Variants in MAP2 observed in about 807,000 individuals in gnomAD.
The protein encoded by MAP2 is microtubule-associated protein 2.
Under a neutral mutation model 137.6 loss-of-function variants are expected in MAP2, and 14 were observed. The ratio of observed to expected loss-of-function variants is 0.10; its 90% CI spans 0.07 to 0.16. The LOEUF (loss-of-function observed/expected upper bound fraction) is 0.16. MAP2 is among the 10% of genes least tolerant of loss of function. MAP2 has a pLI of 1.00. For missense variants in MAP2, 2,088 were observed against 2,191.5 expected (o/e 0.95, Z 0.94); for synonymous variants, 786 against 782.3 (o/e 1.00, Z -0.08).
At chr2:209,548,639 G>C (rs902919778) in intron 2 of MAP2, among the ~76,000 whole-genome samples, 5 of 152,124 alleles carry the variant, frequency 3.3e-5, no homozygotes, top group African/African-American at 1.2e-4. Flanking sequence ...ATCTCATCTT[G>C]AATTGTAATA....
At chr2:209,501,267 T>G (rs960540668) in intron 1 of MAP2, among the ~76,000 whole-genome samples, 1 of 152,158 alleles carries the variant, frequency 6.6e-6, no homozygotes, top group Non-Finnish European at 1.5e-5. Context: ...ATATAAAAAT[T>G]GTGAATTTTC....
At chr2:209,477,606 A>G (rs1393428685) in intron 1 of MAP2, among the ~76,000 whole-genome samples, 1 of 152,030 alleles carries the variant, frequency 6.6e-6, no homozygotes, top group East Asian at 1.9e-4. Flanking sequence ...ATCTCTACCT[A>G]TGCTTTCTTC....
chr2:209,605,714 A>T (rs1280277037), intron 3 of MAP2, among the ~76,000 whole-genome samples: 1 of 152,174 alleles, frequency 6.6e-6, no homozygotes, highest in African/African-American at 2.4e-5. Context: ...TGATACAGAA[A>T]TAATTATTTG....
chr2:209,583,193 C>CTGT (rs1473156704), intron 3 of MAP2, among the ~76,000 whole-genome samples: 3 of 123,844 alleles, frequency 2.4e-5, no homozygotes, highest in Non-Finnish European at 5.0e-5. Flanking sequence ...ATCTGTCTAT[C>CTGT]CTATCTATCT....
At chr2:209,468,317 C>CTTT (rs11450792) in intron 1 of MAP2, among the ~76,000 whole-genome samples, 1,676 of 88,418 alleles carry the variant, frequency 0.019, 38 homozygotes, top group Non-Finnish European at 0.023. Context: ...TTTAGTGTTT[C>CTTT]TTTTTTTTTT....
At chr2:209,718,397 A>T (rs1042080767) in intron 13 of MAP2, among the ~76,000 whole-genome samples, 2 of 152,182 alleles carry the variant, frequency 1.3e-5, no homozygotes, top group African/African-American at 4.8e-5. Flanking sequence ...GAAAAAATTT[A>T]ATGTCAAAAA....
At position 209,695,960 on chromosome 2, in the gene MAP2, G is replaced by A. The variant is rs1234987773; in HGVS notation, c.3790G>A (p.Gly1264Ser). ...TCAGATAACTGACCTGGGTGTCTCAGGTGCCAGGGAGGAATTTGTGGAGAC... is the reference window on the plus strand; with the variant it reads ...TCAGATAACTGACCTGGGTGTCTCAAGTGCCAGGGAGGAATTTGTGGAGAC... ...TLQITDLGVS[G>S]AREEFVETCP... The change falls in exon 8 of 16, where the codon GGT becomes AGT. Residue 1264 changes from glycine to serine, a missense_variant. Physicochemically the swap from Gly to Ser is moderately conservative, Grantham distance 56. Around this residue, in one of 6 missense-constraint regions of MAP2, gnomAD observed 591 missense variants for 642.6 expected, o/e 0.92. Coordinates refer to ENST00000682079, the MANE Select transcript of MAP2 (RefSeq NM_001375505.1). 6.2e-7 allele frequency: 1 copy of A among 1,614,078 alleles called. No homozygotes were observed. Among genetic ancestry groups the A allele is most frequent in the Admixed American group, 1.7e-5 (1 of 60,032 alleles).
Position 209,681,475 on chromosome 2 carries a change from A to G in MAP2, c.454+648A>G, listed in dbSNP as rs893025247. On this transcript the variant is annotated intron_variant, in intron 7 of 15. Coordinates refer to ENST00000682079, the MANE Select transcript of MAP2 (RefSeq NM_001375505.1). ...CATGGAATGTCATGTTAGCTTTTCA[A>G]TTCTCATTGATACAACAGAAAGATG... Among the ~76,000 whole-genome samples the G allele has an allele frequency of 5.3e-5, 8 of 152,264 alleles. No individual in the cohort carries two copies. In the South Asian group the frequency reaches 6.2e-4, roughly 12 times the overall value.
At chr2:209,481,826 C>T (rs1211473477) in intron 1 of MAP2, among the ~76,000 whole-genome samples, 1 of 152,198 alleles carries the variant, frequency 6.6e-6, no homozygotes, top group African/African-American at 2.4e-5. Flanking sequence ...AACCTCTCTT[C>T]TTCTGTGTTA....
At chr2:209,561,877 G>A (rs1282420431) in intron 2 of MAP2, among the ~76,000 whole-genome samples, 1 of 152,130 alleles carries the variant, frequency 6.6e-6, no homozygotes, top group Non-Finnish European at 1.5e-5. Context: ...CATTGATGAA[G>A]CACTCAGCAT....
chr2:209,696,095 G>T lies in MAP2; in HGVS notation c.3925G>T (p.Val1309Leu), dbSNP rs764541712. Reference sequence around the variant, plus strand: ...TGAAGGGGAGTCAGGGTCCCACAGCGTGCGTTTTGCAGCCCTAGAGCAGCC... The same window carrying T: ...TGAAGGGGAGTCAGGGTCCCACAGCTTGCGTTTTGCAGCCCTAGAGCAGCC... ...TDEGESGSHS[V>L]RFAALEQPEV... The change falls in exon 8 of 16, where the codon GTG becomes TTG. Residue 1309 changes from valine to leucine, a missense_variant. By Grantham distance (32) the Val-to-Leu change is conservative. This residue lies in a region of MAP2 where 591 missense variants were observed against 642.6 expected (regional missense o/e 0.92). Transcript: ENST00000682079. 4 of 1,613,800 alleles carry T rather than the reference G, an allele frequency of 2.5e-6. No homozygotes were observed. Among genetic ancestry groups the T allele is most frequent in the South Asian group, 1.1e-5 (1 of 91,054 alleles).
Position 209,693,289 on chromosome 2 carries a change from G to A in MAP2, c.1119G>A (p.Glu373=). 6.2e-7 allele frequency: 1 copy of A among 1,614,026 alleles called. No individual in the cohort carries two copies. The highest frequency in any genetic ancestry group is 8.5e-7 in the Non-Finnish European group (1 of 1,179,994). Residue 373 remains glutamate, a synonymous_variant, in exon 8 of 16, where the codon GAG becomes GAA. Coordinates refer to ENST00000682079, the MANE Select transcript of MAP2 (RefSeq NM_001375505.1). ...KDSFKIEEPH[E]AKPDKMAEAP... ...GTTTTAAAATTGAAGAGCCCCATGA[G>A]GCTAAACCTGACAAAATGGCAGAAG...
chr2:209,600,685 C>G (rs917798155), intron 3 of MAP2, among the ~76,000 whole-genome samples: 1 of 152,098 alleles, frequency 6.6e-6, no homozygotes, highest in Non-Finnish European at 1.5e-5. Context: ...TCAGTCAGTC[C>G]CTATTAAGGG....
At chr2:209,724,114 G>T (rs2284360) in intron 13 of MAP2, among the ~76,000 whole-genome samples, 15,648 of 152,198 alleles carry the variant, frequency 0.1, 955 homozygotes, top group East Asian at 0.23. Flanking sequence ...AATGCCCAAA[G>T]TATGTAATGT....
intron 13 of MAP2, chr2:209,723,724 G>A (rs763787825): frequency 6.9e-7 from 1 of 1,446,466 alleles, no homozygotes; most frequent in Middle Eastern, 1.7e-4. Context: ...TGTCCTGATT[G>A]CGTGGAGCCA....
chr2:209,504,859 A>C (rs1046090022), intron 1 of MAP2, among the ~76,000 whole-genome samples: 2 of 152,036 alleles, frequency 1.3e-5, no homozygotes, highest in Non-Finnish European at 2.9e-5. Context: ...ACACATAGGC[A>C]GTGTATCCAC....
chr2:209,620,372 T>G (rs1218197162), intron 3 of MAP2, among the ~76,000 whole-genome samples: 1 of 152,230 alleles, frequency 6.6e-6, no homozygotes, highest in Non-Finnish European at 1.5e-5. Context: ...TCTGCTCCAC[T>G]GAAGACCATA....
At chr2:209,656,188 A>T (rs1174019993) in intron 5 of MAP2, among the ~76,000 whole-genome samples, 1 of 151,990 alleles carries the variant, frequency 6.6e-6, no homozygotes, top group East Asian at 1.9e-4. Flanking sequence ...CTGACACCAG[A>T]GGGTGGGAGA....
Position 209,621,206 on chromosome 2 carries a change from C to A in MAP2, c.-106-3847C>A, listed in dbSNP as rs1374940489. On this transcript the variant is annotated intron_variant, in intron 3 of 15. Coordinates refer to ENST00000682079, the MANE Select transcript of MAP2 (RefSeq NM_001375505.1). The stretch of plus-strand genomic sequence containing the variant: ...CAACAAGGGTGAAACCAAAGAAAGA[C>A]AGAAAGACAGAAAGAAAGAATACAG... 2.0e-5 allele frequency among the ~76,000 whole-genome samples: 3 copies of A among 149,060 alleles called. No individual in the cohort carries two copies. In the South Asian group the frequency reaches 6.4e-4, roughly 32 times the overall value.
Sources: gnomAD v4.1 joint callset for allele counts (sites outside exome capture counted in the v4.1 genomes callset) on GRCh38, gnomAD v4.1.1 for gene constraint, gnomAD v4.1.1 regional missense constraint, MANE v1.5 for transcripts, NCBI Gene and HGNC (gene_info 2026-07-23, HGNC 2026-07-21) for gene names.